ADAMTS12: variants seen among roughly 807,000 people sequenced by gnomAD.
The protein encoded by ADAMTS12 is ADAM metallopeptidase with thrombospondin type 1 motif 12.
In ADAMTS12, 118 loss-of-function variants were observed where a neutral mutation model predicts 167.8. That is an observed-to-expected ratio of 0.70 (90% CI 0.61 to 0.82). The LOEUF is 0.82. Ranked by LOEUF, ADAMTS12 falls within the 40% of genes least tolerant of loss-of-function variation. The probability of loss-of-function intolerance (pLI) is 0.00; values close to 1 mark genes in which losing one functional copy is unlikely to be tolerated. For synonymous variants in ADAMTS12, 704 were observed against 716.9 expected, an observed-to-expected ratio of 0.98 and a Z score of 0.29; for missense variants, 1,916 against 1,998.8, an observed-to-expected ratio of 0.96 and a Z score of 0.79.
At chr5:33,545,697 T>G (rs1445490973) in intron 22 of ADAMTS12, among the ~76,000 whole-genome samples, 24 of 152,134 alleles carry the variant, frequency 1.6e-4, no homozygotes, top group Non-Finnish European at 2.9e-5. Flanking sequence ...AAGGATGAGT[T>G]CATGTCCTTT....
At chr5:33,840,537 T>C (rs1284913249) in intron 2 of ADAMTS12, among the ~76,000 whole-genome samples, 3 of 152,128 alleles carry the variant, frequency 2.0e-5, no homozygotes, top group East Asian at 1.9e-4. Flanking sequence ...GAGATGATAA[T>C]GGTACCACCT....
chr5:33,569,164 C>A (rs1000720187), intron 19 of ADAMTS12, among the ~76,000 whole-genome samples: 2 of 152,254 alleles, frequency 1.3e-5, no homozygotes, highest in African/African-American at 2.4e-5. Context: ...CTTCTGGGGG[C>A]AGGGCACAGA....
chr5:33,527,493 G>T, intron 23 of ADAMTS12, 127 bp from the exon 24 acceptor site: 1 of 877,332 alleles, frequency 1.1e-6, no homozygotes, highest in Non-Finnish European at 1.7e-6. Context: ...ATTCATAATA[G>T]GTGGTATCTA....
rs568885974 is a variant in ADAMTS12 at position 33,863,321 on chromosome 5, A to G, written c.489+17798T>C. On this transcript the variant is annotated intron_variant, in intron 2 of 23. Transcript: ENST00000504830. The stretch of plus-strand genomic sequence containing the variant: ...ATTGTCTCTGTCCAAAATTTCCTTA[A>G]GCTGATAAGCAACTTCAGCAAAGAC... 7.2e-5 allele frequency among the ~76,000 whole-genome samples: 11 copies of G among 152,322 alleles called. 1 individual carries two copies. The highest frequency in any genetic ancestry group is 6.8e-3 in the Middle Eastern group (2 of 294).
chr5:33,796,061 A>C (rs1356238839), intron 2 of ADAMTS12, among the ~76,000 whole-genome samples: 1 of 152,262 alleles, frequency 6.6e-6, no homozygotes, highest in Non-Finnish European at 1.5e-5. Flanking sequence ...TGCCTGTGGC[A>C]TTGTTTGTAA....
chr5:33,857,234 A>G (rs191555861), intron 2 of ADAMTS12, among the ~76,000 whole-genome samples: 1 of 152,358 alleles, frequency 6.6e-6, no homozygotes, highest in East Asian at 1.9e-4. Flanking sequence ...GGCAGAGAGT[A>G]GAATGGTGGT....
intron 13 of ADAMTS12, 66 bp downstream of exon 13, chr5:33,630,714 T>G: frequency 6.5e-7 from 1 of 1,548,196 alleles, no homozygotes; most frequent in Non-Finnish European, 8.8e-7. Context: ...CTAGAACATC[T>G]GACTTCCCAA....
chr5:33,637,519 C>A, intron 12 of ADAMTS12, 58 bp downstream of exon 12: 3 of 1,536,124 alleles, frequency 2.0e-6, no homozygotes, highest in Non-Finnish European at 2.7e-6. Flanking sequence ...GACTGACATA[C>A]AAATGCTTTG....
At chr5:33,670,907 A>G (rs1254890562) in intron 5 of ADAMTS12, among the ~76,000 whole-genome samples, 1 of 152,190 alleles carries the variant, frequency 6.6e-6, no homozygotes, top group East Asian at 1.9e-4. Context: ...TAAAAACTGG[A>G]AACAACCCAA....
chr5:33,869,273 C>G (rs1399657703), intron 2 of ADAMTS12, among the ~76,000 whole-genome samples: 1 of 152,200 alleles, frequency 6.6e-6, no homozygotes, highest in Non-Finnish European at 1.5e-5. Context: ...AGCTGTAAGC[C>G]TCAGTGGCTT....
In ADAMTS12 at chr5:33,755,086, A is replaced by G. The variant is rs562568117; in HGVS notation, c.490-3538T>C. Among the ~76,000 whole-genome samples, 15 of 152,296 alleles carry G rather than the reference A, an allele frequency of 9.8e-5. No individual in the cohort carries two copies. The South Asian group carries it at 2.9e-3, about 29-fold the overall frequency. On this transcript the variant is annotated intron_variant, in intron 2 of 23. Transcript: ENST00000504830. Reference sequence around the variant, plus strand: ...CCTGTTCCCTCTCCAGATCAATAACATCCCCCAAGGGTAACAATGATCCTG... The same window carrying G: ...CCTGTTCCCTCTCCAGATCAATAACGTCCCCCAAGGGTAACAATGATCCTG...
At chr5:33,679,419 G>A (rs558391119) in intron 5 of ADAMTS12, among the ~76,000 whole-genome samples, 17 of 152,164 alleles carry the variant, frequency 1.1e-4, no homozygotes, top group African/African-American at 4.1e-4. Flanking sequence ...GAAGGTGAAG[G>A]GGAAGCAAGG....
chr5:33,876,915 A>G (rs1750248592), intron 2 of ADAMTS12, among the ~76,000 whole-genome samples: 1 of 152,234 alleles, frequency 6.6e-6, no homozygotes. Context: ...TTATGAATCT[A>G]CAACTATTCC....
intron 2 of ADAMTS12, among the ~76,000 whole-genome samples, chr5:33,820,175 G>C (rs530635858): frequency 3.9e-4 from 59 of 152,284 alleles, no homozygotes; most frequent in African/African-American, 1.3e-3. Context: ...TTCTAGCACT[G>C]TTTAGATGTT....
intron 3 of ADAMTS12, among the ~76,000 whole-genome samples, chr5:33,709,692 T>G: frequency 2.0e-5 from 3 of 149,684 alleles, no homozygotes; most frequent in South Asian, 2.1e-4. Flanking sequence ...ACAACACACA[T>G]GGGGGATTGT....
At chr5:33,877,311 C>A (rs187641409) in intron 2 of ADAMTS12, among the ~76,000 whole-genome samples, 1 of 152,170 alleles carries the variant, frequency 6.6e-6, no homozygotes, top group Non-Finnish European at 1.5e-5. Context: ...AGAATTAGAA[C>A]GCCCTTTGAA....
intron 9 of ADAMTS12, among the ~76,000 whole-genome samples, chr5:33,648,452 T>C (rs1740759081): frequency 6.6e-6 from 1 of 152,210 alleles, no homozygotes; most frequent in Non-Finnish European, 1.5e-5. Flanking sequence ...AAATCCTACT[T>C]CTAACTTGGG....
At chr5:33,671,560 A>G (rs1741692657) in intron 5 of ADAMTS12, among the ~76,000 whole-genome samples, 1 of 152,190 alleles carries the variant, frequency 6.6e-6, no homozygotes, top group South Asian at 2.1e-4. Flanking sequence ...GAGGGTTGCA[A>G]TAGAAGATCT....
chr5:33,554,306 G>A (rs891364513), intron 20 of ADAMTS12, among the ~76,000 whole-genome samples: 3 of 152,162 alleles, frequency 2.0e-5, no homozygotes, highest in East Asian at 1.9e-4. Flanking sequence ...TAGAGCAGGG[G>A]GTAGGGGTAG....
Sources: gnomAD v4.1 joint callset for allele counts (sites outside exome capture counted in the v4.1 genomes callset) on GRCh38, gnomAD v4.1.1 for gene constraint, MANE v1.5 for transcripts, NCBI Gene and HGNC (gene_info 2026-07-23, HGNC 2026-07-21) for gene names.